The following SAMD5 variants were observed in gnomAD, a reference collection of about 807,000 sequenced individuals.
The protein encoded by SAMD5 is sterile alpha motif domain-containing protein 5.
Under a neutral mutation model 11.3 loss-of-function variants are expected in SAMD5, and 13 were observed. The ratio of observed to expected loss-of-function variants is 1.15; its 90% CI spans 0.75 to 1.83. SAMD5 has a LOEUF of 1.83. Ranked by LOEUF, SAMD5 falls within the 40% of genes most tolerant of loss-of-function variation. The probability of loss-of-function intolerance (pLI) is 0.00; values close to 1 mark genes in which losing one functional copy is unlikely to be tolerated. For missense variants in SAMD5, 255 were observed against 239.1 expected, an observed-to-expected ratio of 1.07 and a Z score of -0.44; for synonymous variants, 129 against 111.3, an observed-to-expected ratio of 1.16 and a Z score of -1.00.
intron 1 of SAMD5, among the ~76,000 whole-genome samples, chr6:147,535,788 C>T (rs1788499502): frequency 6.6e-6 from 1 of 151,994 alleles, no homozygotes; most frequent in Admixed American, 6.6e-5. Flanking sequence ...TCTGGAGGTC[C>T]TAAGATAATC....
chr6:147,807,756 TACTTGTGTCTC>T, the SAMD5 span, among the ~76,000 whole-genome samples: 1 of 152,206 alleles, frequency 6.6e-6, no homozygotes, highest in Non-Finnish European at 1.5e-5. Context: ...TCGTGTGTCT[TACTTGTGTCTC>T]TACCCAGGAC....
At chr6:147,730,137 G>GAAAGA (rs1308804437) in intron 1 of SAMD5, 1 of 425,494 alleles carries the variant, frequency 2.4e-6, no homozygotes, top group South Asian at 1.8e-5. Flanking sequence ...ACAGCAGAGT[G>GAAAGA]AAAGAGAGGG....
At chr6:147,825,483 G>T in the SAMD5 span, among the ~76,000 whole-genome samples, 1 of 152,136 alleles carries the variant, frequency 6.6e-6, no homozygotes, top group East Asian at 1.9e-4. Flanking sequence ...ATATTTATAT[G>T]GATGTGTTGA....
chr6:147,747,157 C>T, the SAMD5 span, among the ~76,000 whole-genome samples: 1 of 152,204 alleles, frequency 6.6e-6, no homozygotes, highest in Non-Finnish European at 1.5e-5. Flanking sequence ...AAAAGAATCC[C>T]TGTGGGACAT....
intron 1 of SAMD5, among the ~76,000 whole-genome samples, chr6:147,603,157 A>G (rs1312465219): frequency 6.6e-6 from 1 of 152,214 alleles, no homozygotes; most frequent in Non-Finnish European, 1.5e-5. Flanking sequence ...TTCTTGGGGA[A>G]TTACATCAAA....
At chr6:147,759,779 T>A in the SAMD5 span, among the ~76,000 whole-genome samples, 1 of 152,164 alleles carries the variant, frequency 6.6e-6, no homozygotes, top group East Asian at 1.9e-4. Context: ...GTATCCTATA[T>A]GAATTAAGTC....
chr6:147,662,021 A>G (rs1790655948), intron 1 of SAMD5, among the ~76,000 whole-genome samples: 1 of 152,128 alleles, frequency 6.6e-6, no homozygotes, highest in African/African-American at 2.4e-5. Context: ...TCCTTGACTC[A>G]TTTCGTCCTC....
intron 1 of SAMD5, among the ~76,000 whole-genome samples, chr6:147,562,975 G>A (rs1313937645): frequency 6.6e-6 from 1 of 152,048 alleles, no homozygotes; most frequent in Non-Finnish European, 1.5e-5. Flanking sequence ...TTACTTTTTC[G>A]CAGTTTATAA....
chr6:147,829,920 G>C, the SAMD5 span, among the ~76,000 whole-genome samples: 1 of 152,166 alleles, frequency 6.6e-6, no homozygotes, highest in Non-Finnish European at 1.5e-5. Flanking sequence ...AGATAATGGG[G>C]GTCCTGGGAT....
chr6:147,634,885 G>A (rs1790202948), intron 1 of SAMD5, among the ~76,000 whole-genome samples: 1 of 151,974 alleles, frequency 6.6e-6, no homozygotes, highest in African/African-American at 2.4e-5. Context: ...TAGATTAAAT[G>A]AGTGTGAAAT....
At chr6:147,515,141 G>A (rs1788144460) in intron 1 of SAMD5, among the ~76,000 whole-genome samples, 1 of 140,784 alleles carries the variant, frequency 7.1e-6, no homozygotes, top group African/African-American at 2.6e-5. Flanking sequence ...AACTCAATCA[G>A]TGTCCTCAAA....
At chr6:147,516,523 C>T (rs1351822968) in intron 1 of SAMD5, among the ~76,000 whole-genome samples, 12 of 152,118 alleles carry the variant, frequency 7.9e-5, no homozygotes, top group African/African-American at 2.7e-4. Context: ...CTTATTAGAT[C>T]GACGTCTCTA....
At chr6:147,929,687 T>C in the SAMD5 span, among the ~76,000 whole-genome samples, 1 of 152,078 alleles carries the variant, frequency 6.6e-6, no homozygotes, top group African/African-American at 2.4e-5. Context: ...ACTGATGCAG[T>C]TGGGTTATGT....
chr6:147,567,607 G>C lies in SAMD5; in HGVS notation c.*3151G>C, dbSNP rs953286966. 1.0e-6 allele frequency: 1 copy of C among 966,954 alleles called. No individual in the cohort carries two copies. The highest frequency in any genetic ancestry group is 6.2e-5 in the Admixed American group (1 of 16,220). The allele number at this position is 966,954 out of a possible 1,614,324, so 59.9% of individuals were successfully genotyped here. ...TGGCTTACACCCACATACAGTCCTT[G>C]GCTCAGTGCTAGGCATGTAGCAGGT... On this transcript the variant is annotated 3_prime_UTR_variant, in exon 2 of 2. Transcript: ENST00000367474.
intron 1 of SAMD5, among the ~76,000 whole-genome samples, chr6:147,710,956 T>G (rs1791389570): frequency 1.4e-5 from 2 of 143,658 alleles, no homozygotes; most frequent in Admixed American, 1.4e-4. Context: ...AGAATATGTG[T>G]GATGAAGGAA....
the SAMD5 span, among the ~76,000 whole-genome samples, chr6:147,909,831 T>A: frequency 6.6e-6 from 1 of 152,034 alleles, no homozygotes; most frequent in South Asian, 2.1e-4. Context: ...TGCTAACCAC[T>A]GAGCTGAATC....
chr6:147,689,620 C>T (rs1437749901), intron 1 of SAMD5, among the ~76,000 whole-genome samples: 1 of 152,268 alleles, frequency 6.6e-6, no homozygotes, highest in Non-Finnish European at 1.5e-5. Flanking sequence ...TTTGCAAGTG[C>T]ATCTATATGT....
chr6:147,688,729 G>A (rs1190826537), intron 1 of SAMD5, among the ~76,000 whole-genome samples: 1 of 152,120 alleles, frequency 6.6e-6, no homozygotes. Flanking sequence ...CTCATCTTAA[G>A]GATTTTGCTT....
the SAMD5 span, among the ~76,000 whole-genome samples, chr6:147,802,544 G>A: frequency 2.0e-5 from 3 of 151,852 alleles, no homozygotes; most frequent in Non-Finnish European, 4.4e-5. Flanking sequence ...TGACTCAGCA[G>A]TTCCACCCCT....
Sources: gnomAD v4.1 joint callset for allele counts (sites outside exome capture counted in the v4.1 genomes callset) on GRCh38, gnomAD v4.1.1 for gene constraint, MANE v1.5 for transcripts, NCBI Gene and HGNC (gene_info 2026-07-23, HGNC 2026-07-21) for gene names.